Variants in NDFIP2 observed in about 807,000 individuals in gnomAD.
The protein encoded by NDFIP2 is NEDD4 family-interacting protein 2.
Under a neutral mutation model 36.0 loss-of-function variants are expected in NDFIP2, and 19 were observed. The observed-to-expected ratio is 0.53, with a 90% confidence interval of 0.37 to 0.77. The LOEUF (loss-of-function observed/expected upper bound fraction) is 0.77, where lower values mean the gene tolerates loss of function less well. NDFIP2 is among the 30% of genes least tolerant of loss of function. NDFIP2 has a pLI of 0.00. For synonymous variants in NDFIP2, 181 were observed against 167.7 expected, an observed-to-expected ratio of 1.08 and a Z score of -0.61; for missense variants, 446 against 435.8, an observed-to-expected ratio of 1.02 and a Z score of -0.21.
At chr13:79,528,611 C>T (rs1348369506) in intron 2 of NDFIP2, among the ~76,000 whole-genome samples, 1 of 152,158 alleles carries the variant, frequency 6.6e-6, no homozygotes, top group East Asian at 1.9e-4. Context: ...TGTAGGTGCC[C>T]TATCCAGGTC....
intron 1 of NDFIP2, among the ~76,000 whole-genome samples, chr13:79,512,525 T>G (rs536290014): frequency 1.3e-5 from 2 of 152,224 alleles, no homozygotes; most frequent in East Asian, 3.9e-4. Flanking sequence ...CTCCCCAGTT[T>G]AGGTTCTAAG....
intron 1 of NDFIP2, among the ~76,000 whole-genome samples, chr13:79,492,449 G>C (rs1384881177): frequency 1.3e-5 from 2 of 151,978 alleles, no homozygotes; most frequent in Non-Finnish European, 2.9e-5. Context: ...TGTCACCCAG[G>C]CTGGAGTGCA....
chr13:79,523,347 A>G (rs1874661213), intron 2 of NDFIP2, among the ~76,000 whole-genome samples: 1 of 152,070 alleles, frequency 6.6e-6, no homozygotes, highest in African/African-American at 2.4e-5. Flanking sequence ...CAGCCTCCCA[A>G]GTAGCTGGGA....
At chr13:79,487,005 G>A (rs959610648) in intron 1 of NDFIP2, among the ~76,000 whole-genome samples, 5 of 152,066 alleles carry the variant, frequency 3.3e-5, no homozygotes, top group South Asian at 4.1e-4. Flanking sequence ...CCCTCATGAC[G>A]TCATCTAAAC....
chr13:79,511,539 A>G (rs901699756), intron 1 of NDFIP2, among the ~76,000 whole-genome samples: 2 of 152,208 alleles, frequency 1.3e-5, no homozygotes, highest in East Asian at 3.8e-4. Flanking sequence ...TCAGGTTTAT[A>G]TATGTAAAGC....
At chr13:79,524,695 G>T (rs1427157560) in intron 2 of NDFIP2, among the ~76,000 whole-genome samples, 1 of 152,170 alleles carries the variant, frequency 6.6e-6, no homozygotes, top group Non-Finnish European at 1.5e-5. Flanking sequence ...TGAAGCATTG[G>T]TGGAACCATT....
intron 2 of NDFIP2, 38 bp from the exon 3 acceptor site, chr13:79,533,285 A>G (rs1337915733): frequency 1.3e-6 from 2 of 1,576,960 alleles, no homozygotes; most frequent in Non-Finnish European, 8.6e-7. Context: ...AAAATTAAAT[A>G]GATTTTATTG....
At position 79,543,696 on chromosome 13, in the gene NDFIP2, T is replaced by C; in HGVS notation, c.840+14T>C. 1 of 1,612,390 alleles carries C rather than the reference T, an allele frequency of 6.2e-7. No homozygotes were observed. The highest frequency in any genetic ancestry group is 8.5e-7 in the Non-Finnish European group (1 of 1,179,488). ...CTTATTGTCAGGGTGAGTGTCTTGA[T>C]AGCCTGTATCTCTTTTATCTCTAAA... On this transcript the variant is annotated intron_variant, in intron 5 of 7. Transcript: ENST00000218652.
intron 1 of NDFIP2, among the ~76,000 whole-genome samples, chr13:79,487,574 G>A (rs1295077929): frequency 6.6e-6 from 1 of 152,084 alleles, no homozygotes; most frequent in African/African-American, 2.4e-5. Context: ...GAATTACTGA[G>A]TAATAGGGTA....
intron 3 of NDFIP2, among the ~76,000 whole-genome samples, chr13:79,538,304 C>T (rs1046894960): frequency 3.9e-5 from 6 of 152,108 alleles, no homozygotes; most frequent in African/African-American, 1.4e-4. Context: ...ATGTCCTTCT[C>T]ACATTTCAAA....
At chr13:79,522,272 A>C (rs1874616193) in intron 2 of NDFIP2, among the ~76,000 whole-genome samples, 1 of 152,200 alleles carries the variant, frequency 6.6e-6, no homozygotes, top group Non-Finnish European at 1.5e-5. Context: ...AATTTATTAT[A>C]TGCTAAATAG....
At chr13:79,504,416 GT>G (rs1261568621) in intron 1 of NDFIP2, among the ~76,000 whole-genome samples, 2 of 152,042 alleles carry the variant, frequency 1.3e-5, no homozygotes, top group Non-Finnish European at 2.9e-5. Context: ...ATATCTAAAT[GT>G]TTCAGTGTGT....
chr13:79,485,353 A>G (rs892338081), intron 1 of NDFIP2, among the ~76,000 whole-genome samples: 2 of 152,246 alleles, frequency 1.3e-5, no homozygotes, highest in African/African-American at 2.4e-5. Context: ...CAGTATGAGG[A>G]AATGGAAAGC....
At chr13:79,537,228 C>G (rs764791385) in intron 3 of NDFIP2, among the ~76,000 whole-genome samples, 1 of 152,048 alleles carries the variant, frequency 6.6e-6, no homozygotes, top group Non-Finnish European at 1.5e-5. Flanking sequence ...CTGCCTTAGC[C>G]TCTTGAGTAG....
At chr13:79,481,573 G>A in intron 1 of NDFIP2, 49 bp downstream of exon 1, 1 of 1,497,190 alleles carries the variant, frequency 6.7e-7, no homozygotes, top group Non-Finnish European at 8.9e-7. Flanking sequence ...CCGCCGCGGC[G>A]TCCCGAGAGT....
At chr13:79,520,594 G>T (rs1874531188) in intron 1 of NDFIP2, among the ~76,000 whole-genome samples, 1 of 152,046 alleles carries the variant, frequency 6.6e-6, no homozygotes, top group Non-Finnish European at 1.5e-5. Flanking sequence ...TTATTGTAAA[G>T]AAACTGAAAA....
At chr13:79,551,178 C>T in intron 7 of NDFIP2, 56 bp downstream of exon 7, 3 of 1,075,438 alleles carry the variant, frequency 2.8e-6, no homozygotes. Context: ...TCAAATTTGC[C>T]AGATACATAT....
rs1285679801 is a variant in NDFIP2 at position 79,555,946 on chromosome 13, A to G, written c.*3433A>G. ...CTGTTTATGTGACAAACCTTTCAAGATTGGAGATGAAAACAACACTTGTGA... is the reference window on the plus strand; with the variant it reads ...CTGTTTATGTGACAAACCTTTCAAGGTTGGAGATGAAAACAACACTTGTGA... On this transcript the variant is annotated 3_prime_UTR_variant, in exon 8 of 8. Coordinates refer to ENST00000218652, the MANE Select transcript of NDFIP2 (RefSeq NM_019080.3). 6.6e-6 allele frequency: 1 copy of G among 152,152 alleles called. No individual in the cohort carries two copies. The highest frequency in any genetic ancestry group is 1.5e-5 in the Non-Finnish European group (1 of 68,014). The allele number at this position is 152,152 out of a possible 1,614,324, so 9.4% of individuals were successfully genotyped here.
Position 79,507,913 on chromosome 13 carries a change from T to C in NDFIP2, c.322-12897T>C, listed in dbSNP as rs553082560. Among the ~76,000 whole-genome samples, 3 of 152,252 alleles carry C rather than the reference T, an allele frequency of 2.0e-5. No individual in the cohort carries two copies. In the East Asian group the frequency reaches 5.8e-4, roughly 29 times the overall value. ...TAATCCCTTTAACATTATCCTGAAG[T>C]TGATATTTATCATTTTTGTGAATGT... On this transcript the variant is annotated intron_variant, in intron 1 of 7. Transcript: ENST00000218652.
Sources: allele counts gnomAD v4.1 joint callset (sites outside exome capture counted in the v4.1 genomes callset), GRCh38; gene constraint gnomAD v4.1.1; transcripts MANE v1.5; gene names NCBI Gene and HGNC (gene_info 2026-07-23, HGNC 2026-07-21).